Variants in MYO18A observed in about 807,000 individuals in gnomAD.
MYO18A encodes myosin XVIIIA.
A neutral mutation model predicts 235.8 loss-of-function variants in MYO18A; 78 were observed. The observed-to-expected ratio is 0.33, with a 90% CI of 0.28 to 0.40. The LOEUF is 0.40. MYO18A is among the 10% of genes least tolerant of loss of function. The probability of loss-of-function intolerance (pLI) is 1.00; values close to 1 mark genes in which losing one functional copy is unlikely to be tolerated. For missense variants in MYO18A, 2,215 were observed against 2,699.3 expected (o/e 0.82, Z 3.98); for synonymous variants, 977 against 1,077.8 (o/e 0.91, Z 1.83).
rs773322706 is a variant in MYO18A at position 29,096,783 on chromosome 17, C to G, written c.4363G>C (p.Glu1455Gln). 2 of 1,605,654 alleles carry G rather than the reference C, an allele frequency of 1.2e-6. No individual in the cohort carries two copies. The highest frequency in any genetic ancestry group is 2.2e-5 in the South Asian group (2 of 89,114). The change falls in exon 28 of 42, where the codon GAA becomes CAA. Residue 1455 changes from glutamate to glutamine, a missense_variant. Physicochemically the swap from Glu to Gln is conservative, Grantham distance 29. Transcript: ENST00000527372. Reference sequence around the variant, plus strand: ...CACCTCCTCTGCTTCTTCTCCAGTTCGTGGTTGCGGACCTGCTGGCCCTCC... The same window carrying G: ...CACCTCCTCTGCTTCTTCTCCAGTTGGTGGTTGCGGACCTGCTGGCCCTCC... ...HLEGQQVRNH[E>Q]LEKKQRRFDS...
rs556969797 is a variant in MYO18A at position 29,090,818 on chromosome 17, C to T, written c.5296G>A (p.Val1766Met). 13 of 1,613,770 alleles carry T rather than the reference C, an allele frequency of 8.1e-6. No individual in the cohort carries two copies. The highest frequency in any genetic ancestry group is 6.7e-5 in the African/African-American group (5 of 75,058). Reference protein sequence around the residue: ...NELMKKHKAAVAQASRDLAQI... With the variant: ...NELMKKHKAAMAQASRDLAQI... ...ACTCCTGGCAGGGGTACCTGAGCCACGGCAGCCTTGTGCTTCTTCATCAAT... is the reference window on the plus strand; with the variant it reads ...ACTCCTGGCAGGGGTACCTGAGCCATGGCAGCCTTGTGCTTCTTCATCAAT... Residue 1766 changes from valine to methionine, a missense_variant, in exon 35 of 42, where the codon GTG becomes ATG. Coordinates refer to ENST00000527372, the MANE Select transcript of MYO18A (RefSeq NM_078471.4).
chr17:29,175,280 T>C (rs2068497772), intron 1 of MYO18A, among the ~76,000 whole-genome samples: 1 of 152,102 alleles, frequency 6.6e-6, no homozygotes, highest in Admixed American at 6.5e-5. Flanking sequence ...ATAAGAACAT[T>C]CATCTGGTAA....
intron 31 of MYO18A, 134 bp downstream of exon 31, chr17:29,093,846 C>T (rs914716730): frequency 3.4e-5 from 23 of 668,234 alleles, no homozygotes; most frequent in East Asian, 2.5e-4. Flanking sequence ...GCTAGGATCC[C>T]GAGAGGCGCT....
chr17:29,117,114 G>A lies in MYO18A; in HGVS notation c.2039-659C>T, dbSNP rs2067091222. 6.6e-6 allele frequency among the ~76,000 whole-genome samples: 1 copy of A among 152,104 alleles called. No homozygotes were observed. Among genetic ancestry groups the A allele is most frequent in the Admixed American group, 6.5e-5 (1 of 15,268 alleles). On this transcript the variant is annotated intron_variant, in intron 10 of 41. Transcript: ENST00000527372. This position sits in a 1 kb window ranked among gnomAD's most constrained non-coding sequence, Gnocchi z 4.6. ...TGGGGCCCTTCACATCCCAGAAGGG[G>A]CCAAAGCCAAAGCCCAAGGTGCTGT...
At chr17:29,131,478 A>C in intron 2 of MYO18A, 1 of 973,566 alleles carries the variant, frequency 1.0e-6, no homozygotes, top group African/African-American at 1.8e-5. Flanking sequence ...TGGCAGGTCA[A>C]GGCTGGGAGA....
intron 2 of MYO18A, among the ~76,000 whole-genome samples, chr17:29,134,467 C>T (rs2067547131): frequency 6.6e-6 from 1 of 152,160 alleles, no homozygotes; most frequent in South Asian, 2.1e-4. Flanking sequence ...TGGCTCAAGG[C>T]CTCTCCATGT....
At position 29,120,959 on chromosome 17, in the gene MYO18A, T is replaced by G. The variant is rs1187197216; in HGVS notation, c.1585+39A>C. 2.5e-6 allele frequency: 4 copies of G among 1,586,746 alleles called. No individual in the cohort carries two copies. The highest frequency in any genetic ancestry group is 3.4e-6 in the Non-Finnish European group (4 of 1,166,534). ...GTGCTCTCTCCTCACTCCCCTCCCC[T>G]CACCCCACTTTCAGTTTTCTCCCTT... On this transcript the variant is annotated intron_variant, in intron 6 of 41. Transcript: ENST00000527372. This position sits in a 1 kb window ranked among gnomAD's most constrained non-coding sequence, Gnocchi z 4.2.
Position 29,098,554 on chromosome 17 carries a change from C to A in MYO18A, c.3781-109G>T, listed in dbSNP as rs1381149742. On this transcript the variant is annotated intron_variant, in intron 23 of 41. Transcript: ENST00000527372. ...AGCTGATGAAGCTTGGGCCAGGACGCCATGGGGAAGGCATGTCCCCAATAG... is the reference window on the plus strand; with the variant it reads ...AGCTGATGAAGCTTGGGCCAGGACGACATGGGGAAGGCATGTCCCCAATAG... 6.1e-6 allele frequency: 8 copies of A among 1,318,902 alleles called. No homozygotes were observed. In the South Asian group the frequency reaches 1.0e-4, roughly 17 times the overall value. 81.7% of individuals were successfully genotyped at this position (1,318,902 alleles called of 1,614,324 possible).
Position 29,173,064 on chromosome 17 carries a change from G to A in MYO18A, c.-81-6043C>T, listed in dbSNP as rs115958574. 4.2e-3 allele frequency among the ~76,000 whole-genome samples: 630 copies of A among 151,666 alleles called. 3 individuals carry two copies. The highest frequency in any genetic ancestry group is 0.014 in the African/African-American group (592 of 41,290). ...TCTTGGTGGAAACACAAATTGGTAG[G>A]TTGGTGCAAAAGTAATTATGGTTTT... On this transcript the variant is annotated intron_variant, in intron 1 of 41. Coordinates refer to ENST00000527372, the MANE Select transcript of MYO18A (RefSeq NM_078471.4).
At chr17:29,105,638 C>T (rs1257890253) in intron 20 of MYO18A, among the ~76,000 whole-genome samples, 1 of 151,962 alleles carries the variant, frequency 6.6e-6, no homozygotes, top group African/African-American at 2.4e-5. Flanking sequence ...GCCTGATGTC[C>T]TGAGATCTGA....
At position 29,092,347 on chromosome 17, in the gene MYO18A, G is replaced by T; in HGVS notation, c.5183C>A (p.Thr1728Lys). ...CCGGGCACCTTGGCCCCTCACCGCTGTCTTGGCTTTGGCGATGTCATCAAT... is the reference window on the plus strand; with the variant it reads ...CCGGGCACCTTGGCCCCTCACCGCTTTCTTGGCTTTGGCGATGTCATCAAT... Reference protein sequence around the residue: ...LQIDDIAKAKTALEEQLSRLQ... With the variant: ...LQIDDIAKAKKALEEQLSRLQ... The change falls in exon 34 of 42, where the codon ACA (threonine) becomes AAA (lysine). Residue 1728 changes from threonine (T) to lysine (K), a missense_variant. Physicochemically the swap from Thr to Lys is moderately conservative, Grantham distance 78 (BLOSUM62 -1). Coordinates refer to ENST00000527372, the MANE Select transcript of MYO18A (RefSeq NM_078471.4). 1 of 1,609,562 alleles carries T rather than the reference G, an allele frequency of 6.2e-7. No individual in the cohort carries two copies.
intron 15 of MYO18A, among the ~76,000 whole-genome samples, chr17:29,112,880 G>C (rs1036526624): frequency 6.6e-6 from 1 of 152,248 alleles, no homozygotes; most frequent in Non-Finnish European, 1.5e-5. Flanking sequence ...GGCAACTCTA[G>C]TGGCAGGAAC....
chr17:29,098,138 C>G lies in MYO18A; in HGVS notation c.3957G>C (p.Arg1319Ser), dbSNP rs770621539. ...CCTTCATCTCCTTCTCAGCCCGGAG[C>G]CTCTCTGCTGTCTCCGCGTCCAGCA... ...SQLLDAETAE[R>S]LRAEKEMKEL... is the part of the protein sequence containing the mutation. The change falls in exon 25 of 42, where the codon AGG (arginine) becomes AGC (serine). Residue 1319 changes from arginine (R) to serine (S), a missense_variant. By Grantham distance (110) the Arg-to-Ser change is moderately radical. Coordinates refer to ENST00000527372, the MANE Select transcript of MYO18A (RefSeq NM_078471.4). 1 of 1,613,706 alleles carries G rather than the reference C, an allele frequency of 6.2e-7. No homozygotes were observed. The highest frequency in any genetic ancestry group is 1.7e-5 in the Admixed American group (1 of 60,006).
At chr17:29,159,240 C>T (rs2068122405) in intron 2 of MYO18A, among the ~76,000 whole-genome samples, 1 of 152,068 alleles carries the variant, frequency 6.6e-6, no homozygotes, top group African/African-American at 2.4e-5. Context: ...CTGACAGTCC[C>T]CTGCATCCCA....
intron 20 of MYO18A, among the ~76,000 whole-genome samples, chr17:29,104,692 A>G (rs1325379261): frequency 6.6e-6 from 1 of 152,120 alleles, no homozygotes; most frequent in Non-Finnish European, 1.5e-5. Flanking sequence ...AGAATAGAAA[A>G]TACATATGGC....
chr17:29,109,919 G>A lies in MYO18A; in HGVS notation c.3270C>T (p.Pro1090=). 1 of 1,593,494 alleles carries A rather than the reference G, an allele frequency of 6.3e-7. No individual in the cohort carries two copies. Among genetic ancestry groups the A allele is most frequent in the Non-Finnish European group, 8.5e-7 (1 of 1,170,282 alleles). ...CEAGLLQLDV[P]LLRTQLRGSR... is the part of the protein sequence containing the mutation. ...AGCCGCGGAGCTGGGTGCGGAGCAG[G>A]GGCACGTCGAGCTGCAGGAGCCCAG... The change falls in exon 19 of 42, where the codon CCC becomes CCT. Residue 1090 remains proline, a synonymous_variant. Transcript: ENST00000527372. This position sits in a 1 kb window ranked among gnomAD's most constrained non-coding sequence, Gnocchi z 4.1.
At position 29,166,362 on chromosome 17, in the gene MYO18A, G is replaced by A. The variant is rs1276613616; in HGVS notation, c.579C>T (p.Ala193=). 6.2e-7 allele frequency: 1 copy of A among 1,613,288 alleles called. No homozygotes were observed. The highest frequency in any genetic ancestry group is 1.1e-5 in the South Asian group (1 of 91,088). Residue 193 remains alanine, a synonymous_variant, in exon 2 of 42, where the codon GCC becomes GCT. Coordinates refer to ENST00000527372, the MANE Select transcript of MYO18A (RefSeq NM_078471.4). Reference sequence around the variant, plus strand: ...GGAACTTTTTAGTCACTAGCTCAGGGGCTCGGGATCGGTGCCCTGGTCGAG... The same window carrying A: ...GGAACTTTTTAGTCACTAGCTCAGGAGCTCGGGATCGGTGCCCTGGTCGAG... The part of the protein sequence containing the change: ...GIPRPGHRSR[A]PELVTKKFPV...
At chr17:29,080,283 G>C in intron 41 of MYO18A, 1 of 986,050 alleles carries the variant, frequency 1.0e-6, no homozygotes, top group Non-Finnish European at 1.2e-6. Context: ...CCAGGTCTGG[G>C]TCCAGGTAGG....
At chr17:29,122,328 A>C in intron 2 of MYO18A, 75 bp from the exon 3 acceptor site, 1 of 1,385,956 alleles carries the variant, frequency 7.2e-7, no homozygotes, top group Non-Finnish European at 1.0e-6. Context: ...AGGGGAGACA[A>C]GTGAGGGCAT....
Sources: allele counts gnomAD v4.1 joint callset (sites outside exome capture counted in the v4.1 genomes callset), GRCh38; gene constraint gnomAD v4.1.1; non-coding constraint Gnocchi (gnomAD v3.1); transcripts MANE v1.5; gene names NCBI Gene and HGNC (gene_info 2026-07-23, HGNC 2026-07-21).